The following ARHGEF4 variants were observed in gnomAD, a reference collection of about 807,000 sequenced individuals.
The protein encoded by ARHGEF4 is Rho guanine nucleotide exchange factor 4.
ARHGEF4 carries 119 observed loss-of-function variants against 162.0 expected under a neutral mutation model. The ratio of observed to expected loss-of-function variants is 0.73; its 90% confidence interval spans 0.63 to 0.86. ARHGEF4 has a LOEUF of 0.86. Ranked by LOEUF, ARHGEF4 falls within the 40% of genes least tolerant of loss-of-function variation. The pLI is 0.00. For synonymous variants in ARHGEF4, 1,014 were observed against 979.9 expected, an observed-to-expected ratio of 1.03 and a Z score of -0.65; for missense variants, 2,488 against 2,456.0, an observed-to-expected ratio of 1.01 and a Z score of -0.28.
chr2:130,993,020 G>T (rs995490042), intron 4 of ARHGEF4, among the ~76,000 whole-genome samples: 3 of 152,302 alleles, frequency 2.0e-5, no homozygotes, highest in Non-Finnish European at 2.9e-5. Context: ...GGAGGCGGAG[G>T]TTGCAGTGAG....
chr2:130,954,296 C>A lies in ARHGEF4; in HGVS notation c.3985+7661C>A, dbSNP rs1684134911. On this transcript the variant is annotated intron_variant, in intron 4 of 13. Transcript: ENST00000409359. ...GAAACCATCATTCTGAGCAAACTAT[C>A]ACAAGAACAGAAAACCAAACACTGC... Among the ~76,000 whole-genome samples, 5 of 152,292 alleles carry A rather than the reference C, an allele frequency of 3.3e-5. No individual in the cohort carries two copies. In the South Asian group the frequency reaches 1.0e-3, roughly 32 times the overall value.
chr2:130,977,124 TTG>T lies in ARHGEF4; in HGVS notation c.3985+30494_3985+30495del, dbSNP rs529214228. The stretch of plus-strand genomic sequence containing the variant: ...AGTGTGTGTGGTGTATGTGATGTGT[TTG>T]TGTGATGTCTGTGTATGTTAGTGTG... On this transcript the variant is annotated intron_variant, in intron 4 of 13. Transcript: ENST00000409359. 8.8e-4 allele frequency among the ~76,000 whole-genome samples: 133 copies of T among 151,398 alleles called. 1 individual carries two copies. The highest frequency in any genetic ancestry group is 3.2e-3 in the African/African-American group (130 of 41,242).
intron 1 of ARHGEF4, among the ~76,000 whole-genome samples, chr2:130,889,976 T>G (rs1679766317): frequency 6.6e-6 from 1 of 152,214 alleles, no homozygotes; most frequent in Non-Finnish European, 1.5e-5. Context: ...TAAGTTAGAC[T>G]GATAATAGCA....
At chr2:130,886,694 A>AT (rs1192961201) in intron 1 of ARHGEF4, among the ~76,000 whole-genome samples, 1 of 151,892 alleles carries the variant, frequency 6.6e-6, no homozygotes, top group Non-Finnish European at 1.5e-5. Flanking sequence ...AAAAAAAAAA[A>AT]AGGTTGGATG....
intron 1 of ARHGEF4, among the ~76,000 whole-genome samples, chr2:130,896,020 TG>T (rs1303646878): frequency 6.6e-6 from 1 of 152,156 alleles, no homozygotes; most frequent in Non-Finnish European, 1.5e-5. Context: ...GTGGGGGTTT[TG>T]GGGATTTGGT....
intron 4 of ARHGEF4, among the ~76,000 whole-genome samples, chr2:130,997,926 G>A (rs932385928): frequency 2.0e-5 from 3 of 151,296 alleles, no homozygotes; most frequent in Admixed American, 6.6e-5. Flanking sequence ...ACACACAGAC[G>A]CACACCTCCC....
rs974195595 is a variant in ARHGEF4 at position 131,044,499 on chromosome 2, C to T, written c.5358C>T (p.Ala1786=). ...KPEQKQRWLK[A]FAREREQVQL... is the part of the protein sequence containing the mutation. The stretch of plus-strand genomic sequence containing the variant: ...AGCAGAAGCAGCGCTGGCTCAAGGC[C>T]TTTGCCAGGGAGAGGGAGCAGGTGC... Residue 1786 remains alanine, a synonymous_variant, in exon 12 of 14, where the codon GCC becomes GCT. Transcript: ENST00000409359. 2.6e-6 allele frequency: 4 copies of T among 1,551,732 alleles called. No homozygotes were observed. The highest frequency in any genetic ancestry group is 3.5e-6 in the Non-Finnish European group (4 of 1,147,516).
Position 131,038,991 on chromosome 2 carries a change from G to C in ARHGEF4, c.4264G>C (p.Val1422Leu). 7 of 1,613,544 alleles carry C rather than the reference G, an allele frequency of 4.3e-6. No homozygotes were observed. Among genetic ancestry groups the C allele is most frequent in the Non-Finnish European group, 5.9e-6 (7 of 1,179,912 alleles). ...ATNREWWWGR[V>L]ADGEGWFPAS... ...CAACAGAGAGTGGTGGTGGGGCCGG[G>C]TCGCCGATGGCGAGGGCTGGTTTCC... Residue 1422 changes from valine (V) to leucine (L), a missense_variant, in exon 6 of 14, where the codon GTC (valine) becomes CTC (leucine). Around this residue, in one of 6 missense-constraint regions of ARHGEF4, gnomAD observed 174 missense variants for 148.3 expected, o/e 1.17. Coordinates refer to ENST00000409359, the MANE Select transcript of ARHGEF4 (RefSeq NM_001367493.1).
intron 4 of ARHGEF4, among the ~76,000 whole-genome samples, chr2:130,978,881 C>G (rs977771900): frequency 2.6e-5 from 4 of 152,206 alleles, no homozygotes; most frequent in African/African-American, 9.7e-5. Flanking sequence ...ACCTCCTGCT[C>G]TGCTTCATAT....
At chr2:130,880,358 TA>T (rs1392276442) in intron 1 of ARHGEF4, among the ~76,000 whole-genome samples, 1 of 152,210 alleles carries the variant, frequency 6.6e-6, no homozygotes, top group Non-Finnish European at 1.5e-5. Flanking sequence ...TCCCAGAGGA[TA>T]GGGGTCCTCA....
intron 1 of ARHGEF4, among the ~76,000 whole-genome samples, chr2:130,895,019 A>G (rs1227480028): frequency 1.3e-5 from 2 of 152,206 alleles, no homozygotes; most frequent in Non-Finnish European, 2.9e-5. Flanking sequence ...TCACAATTGC[A>G]TAACTATCCC....
intron 10 of ARHGEF4, among the ~76,000 whole-genome samples, chr2:131,042,162 C>T (rs1253139792): frequency 1.3e-5 from 2 of 152,236 alleles, no homozygotes; most frequent in African/African-American, 4.8e-5. Context: ...GGCCTCTTTT[C>T]TATGTGAAAC....
chr2:130,894,023 C>T (rs543781026), intron 1 of ARHGEF4, among the ~76,000 whole-genome samples: 10 of 152,316 alleles, frequency 6.6e-5, no homozygotes, highest in Admixed American at 1.3e-4. Flanking sequence ...GGCCAGCCGT[C>T]GCCCTGATGG....
chr2:130,999,018 G>A (rs1213247344), intron 4 of ARHGEF4, among the ~76,000 whole-genome samples: 2 of 152,174 alleles, frequency 1.3e-5, no homozygotes, highest in Admixed American at 6.5e-5. Flanking sequence ...TAATAGATGT[G>A]TAGTGGTGGC....
intron 1 of ARHGEF4, among the ~76,000 whole-genome samples, chr2:130,840,733 T>C (rs573117283): frequency 6.6e-6 from 1 of 152,294 alleles, no homozygotes; most frequent in Admixed American, 6.5e-5. Context: ...CGCCACTGCC[T>C]CTGGCAAGCG....
chr2:131,043,790 C>G (rs186512878), intron 11 of ARHGEF4: 253 of 629,272 alleles, frequency 4.0e-4, no homozygotes, highest in Non-Finnish European at 6.2e-5. Context: ...TCTGACCAGG[C>G]CGGGTGCTGT....
chr2:130,842,526 C>T (rs1680677215), intron 1 of ARHGEF4, among the ~76,000 whole-genome samples: 1 of 152,186 alleles, frequency 6.6e-6, no homozygotes, highest in Non-Finnish European at 1.5e-5. Flanking sequence ...AAGTAGCAAG[C>T]GCACCCGGCA....
rs1476315418 is a variant in ARHGEF4, at chr2:130,957,499, C to G, written c.3985+10864C>G. On this transcript the variant is annotated intron_variant, in intron 4 of 13. Coordinates refer to ENST00000409359, the MANE Select transcript of ARHGEF4 (RefSeq NM_001367493.1). ...TTAACTATAAATAGGCATGAAGGAA[C>G]ATTTTGGGTGGGGGTGTTGAGAATG... 2.0e-5 allele frequency among the ~76,000 whole-genome samples: 3 copies of G among 152,084 alleles called. No homozygotes were observed. In the East Asian group the frequency reaches 5.8e-4, roughly 29 times the overall value.
intron 4 of ARHGEF4, among the ~76,000 whole-genome samples, chr2:131,005,218 G>A (rs7563839): frequency 2.0e-3 from 303 of 152,318 alleles, no homozygotes; most frequent in African/African-American, 6.9e-3. Context: ...TATCTGTCAC[G>A]CTCTGGGGGC....
Sources: allele counts gnomAD v4.1 joint callset (sites outside exome capture counted in the v4.1 genomes callset), GRCh38; gene constraint gnomAD v4.1.1; regional missense constraint gnomAD v4.1.1; transcripts MANE v1.5; gene names NCBI Gene and HGNC (gene_info 2026-07-23, HGNC 2026-07-21).